SPTBN1: variants seen among roughly 807,000 people sequenced by gnomAD.
SPTBN1 encodes the protein spectrin beta chain, non-erythrocytic 1.
SPTBN1 carries 32 observed loss-of-function variants against 266.4 expected under a neutral mutation model. The observed-to-expected ratio is 0.12, with a 90% CI of 0.09 to 0.16. The LOEUF (loss-of-function observed/expected upper bound fraction) is 0.16. Ranked by LOEUF, SPTBN1 falls within the 10% of genes least tolerant of loss-of-function variation. The pLI, the probability that SPTBN1 is intolerant of heterozygous loss-of-function variation, is 1.00. For missense variants in SPTBN1, 2,296 were observed against 3,067.1 expected (o/e 0.75, Z 5.94); for synonymous variants, 1,336 against 1,162.2 (o/e 1.15, Z -3.04).
intron 1 of SPTBN1, among the ~76,000 whole-genome samples, chr2:54,471,864 A>C (rs560791568): frequency 7.2e-6 from 1 of 139,004 alleles, no homozygotes; most frequent in South Asian, 2.2e-4. Flanking sequence ...TATGAAGAAG[A>C]TATAATTCTC....
chr2:54,462,495 T>C (rs553985406), intron 1 of SPTBN1, among the ~76,000 whole-genome samples: 4 of 152,368 alleles, frequency 2.6e-5, no homozygotes, highest in African/African-American at 9.6e-5. Context: ...ATAGTATTAA[T>C]GATCTTCCTT....
At chr2:54,514,193 T>G (rs1669996782) in intron 1 of SPTBN1, among the ~76,000 whole-genome samples, 1 of 152,190 alleles carries the variant, frequency 6.6e-6, no homozygotes, top group Non-Finnish European at 1.5e-5. Flanking sequence ...TCTCATACCG[T>G]TTTTTGTTAT....
intron 7 of SPTBN1, among the ~76,000 whole-genome samples, chr2:54,618,454 A>G (rs1229759988): frequency 6.6e-6 from 1 of 152,210 alleles, no homozygotes; most frequent in East Asian, 1.9e-4. Context: ...AGAACCAGGA[A>G]AGAAGAAGGT....
At chr2:54,661,159 C>T in intron 32 of SPTBN1, 1 of 985,406 alleles carries the variant, frequency 1.0e-6, no homozygotes, top group South Asian at 4.7e-5. Context: ...GTGGAATTCT[C>T]TGATAAAGGA....
chr2:54,632,824 T>C, intron 17 of SPTBN1, 56 bp downstream of exon 17: 3 of 1,582,348 alleles, frequency 1.9e-6, no homozygotes, highest in Non-Finnish European at 2.6e-6. Flanking sequence ...CTCAAACTTC[T>C]GAATCATTGG....
At chr2:54,492,338 G>GGTTTTTTTTTTT (rs1558775035) in intron 1 of SPTBN1, among the ~76,000 whole-genome samples, 1 of 118,112 alleles carries the variant, frequency 8.5e-6, no homozygotes. Context: ...TTTGTCTGCA[G>GGTTTTTTTTTTT]TTGTTTTTTT....
At chr2:54,624,458 C>G (rs902835633) in intron 10 of SPTBN1, among the ~76,000 whole-genome samples, 2 of 152,156 alleles carry the variant, frequency 1.3e-5, no homozygotes, top group Admixed American at 6.5e-5. Flanking sequence ...TTAGAAGAAT[C>G]ATTTATCTTT....
chr2:54,625,889 G>T (rs548185774), intron 11 of SPTBN1, 43 bp from the exon 12 acceptor site: 9 of 1,588,042 alleles, frequency 5.7e-6, no homozygotes, highest in Non-Finnish European at 7.7e-6. Flanking sequence ...CTGTGCCCGG[G>T]TGGATTTTTT....
chr2:54,578,070 A>G (rs1178365895), intron 2 of SPTBN1, among the ~76,000 whole-genome samples: 2 of 152,222 alleles, frequency 1.3e-5, no homozygotes, highest in Non-Finnish European at 2.9e-5. Flanking sequence ...TAAAGGACTC[A>G]GCTGACAGTA....
rs70944169 is a variant in SPTBN1 at position 54,487,832 on chromosome 2, CT to C, written c.-48+31329del. Among the ~76,000 whole-genome samples, 26 of 68,646 alleles carry C rather than the reference CT, an allele frequency of 3.8e-4. 5 individuals carry two copies. The East Asian group carries it at 4.4e-3, about 12-fold the overall frequency. The allele number at this position is 68,646 out of a possible 152,430, so 45.0% of individuals were successfully genotyped here. A position where few individuals can be genotyped will look rare whatever the true frequency, so the allele number is the denominator to read the frequency against. ...TTCACTTGATGGTCTCCTCCTGTGTCTTTTTTTTTTTTTTTGAGACGGAGTC... is the reference window on the plus strand; with the variant it reads ...TTCACTTGATGGTCTCCTCCTGTGTCTTTTTTTTTTTTTTGAGACGGAGTC... On this transcript the variant is annotated intron_variant, in intron 1 of 35. Coordinates refer to ENST00000356805, the MANE Select transcript of SPTBN1 (RefSeq NM_003128.3).
At chr2:54,491,217 A>G (rs1446206180) in intron 1 of SPTBN1, among the ~76,000 whole-genome samples, 1 of 152,232 alleles carries the variant, frequency 6.6e-6, no homozygotes, top group Non-Finnish European at 1.5e-5. Context: ...CGACAGGAAG[A>G]TTCCCCTGGC....
At chr2:54,510,083 C>G (rs1359824196) in intron 1 of SPTBN1, among the ~76,000 whole-genome samples, 1 of 151,770 alleles carries the variant, frequency 6.6e-6, no homozygotes, top group Non-Finnish European at 1.5e-5. Context: ...CTCAGCCTCC[C>G]AAGTAGCTGG....
chr2:54,554,263 C>T lies in SPTBN1; in HGVS notation c.148+27697C>T, dbSNP rs911827924. 6.6e-6 allele frequency among the ~76,000 whole-genome samples: 1 copy of T among 152,204 alleles called. No individual in the cohort carries two copies. Among genetic ancestry groups the T allele is most frequent in the African/African-American group, 2.4e-5 (1 of 41,448 alleles). ...GGTGGGGAGATGGGGAGCACGCTGACTTGGTGGATCTGGGGTCCATGTGTT... is the reference window on the plus strand; with the variant it reads ...GGTGGGGAGATGGGGAGCACGCTGATTTGGTGGATCTGGGGTCCATGTGTT... On this transcript the variant is annotated intron_variant, in intron 2 of 35. Coordinates refer to ENST00000356805, the MANE Select transcript of SPTBN1 (RefSeq NM_003128.3). This position sits in a 1 kb window ranked among gnomAD's most constrained non-coding sequence, Gnocchi z 4.5.
chr2:54,479,243 T>C (rs1350852717), intron 1 of SPTBN1, among the ~76,000 whole-genome samples: 2 of 152,216 alleles, frequency 1.3e-5, no homozygotes, highest in Non-Finnish European at 2.9e-5. Context: ...AAATAAAGTA[T>C]AGTTATAGAA....
intron 11 of SPTBN1, 88 bp from the exon 12 acceptor site, chr2:54,625,844 G>T: frequency 7.0e-7 from 1 of 1,430,808 alleles, no homozygotes; most frequent in Non-Finnish European, 9.5e-7. Context: ...GCCCGCCTCG[G>T]CCTCCCAAAG....
intron 2 of SPTBN1, among the ~76,000 whole-genome samples, chr2:54,593,435 T>C (rs1558878345): frequency 6.6e-6 from 1 of 152,156 alleles, no homozygotes; most frequent in Non-Finnish European, 1.5e-5. Flanking sequence ...GTTTTCCACT[T>C]TCCTCCCTGG....
rs571474987 is a variant in SPTBN1 at position 54,549,642 on chromosome 2, A to G, written c.148+23076A>G. Among the ~76,000 whole-genome samples, 10 of 152,326 alleles carry G rather than the reference A, an allele frequency of 6.6e-5. No homozygotes were observed. The South Asian group carries it at 2.1e-3, about 32-fold the overall frequency. ...AAGAAGAGATAAGCAATGCTCTCAT[A>G]GAGTGTATGATATGTGCTGGACGAC... On this transcript the variant is annotated intron_variant, in intron 2 of 35. Transcript: ENST00000356805.
At chr2:54,458,696 A>G (rs1205941754) in intron 1 of SPTBN1, among the ~76,000 whole-genome samples, 1 of 152,218 alleles carries the variant, frequency 6.6e-6, no homozygotes, top group Admixed American at 6.5e-5. Context: ...TTTCCCTTCT[A>G]AATGCCATCT....
intron 33 of SPTBN1, 114 bp from the exon 34 acceptor site, chr2:54,665,801 G>A: frequency 4.9e-6 from 6 of 1,216,830 alleles, no homozygotes; most frequent in Non-Finnish European, 6.9e-6. Context: ...AGGGTTGGGT[G>A]GGGTCACACT....
Sources: allele counts gnomAD v4.1 joint callset (sites outside exome capture counted in the v4.1 genomes callset), GRCh38; gene constraint gnomAD v4.1.1; non-coding constraint Gnocchi (gnomAD v3.1); transcripts MANE v1.5; gene names NCBI Gene and HGNC (gene_info 2026-07-23, HGNC 2026-07-21).